NCAM2: variants seen among roughly 807,000 people sequenced by gnomAD.
The protein encoded by NCAM2 is neural cell adhesion molecule 2, also known as N-CAM-2.
A neutral mutation model predicts 98.1 loss-of-function variants in NCAM2; 30 were observed. The ratio of observed to expected loss-of-function variants is 0.31; its 90% CI spans 0.23 to 0.41. NCAM2 has a LOEUF of 0.41. Among genes scored for constraint, NCAM2 ranks in the 10% least tolerant of loss-of-function variants. NCAM2 has a pLI of 1.00. For missense variants in NCAM2, 867 were observed against 1,005.8 expected (o/e 0.86, Z 1.87); for synonymous variants, 368 against 342.4 (o/e 1.07, Z -0.83).
At chr21:21,178,280 T>A in intron 1 of NCAM2, among the ~76,000 whole-genome samples, 1 of 152,130 alleles carries the variant, frequency 6.6e-6, no homozygotes, top group East Asian at 1.9e-4. Context: ...TACTCTTGAT[T>A]TTTCTTCTGC....
intron 1 of NCAM2, among the ~76,000 whole-genome samples, chr21:21,152,899 C>T (rs1291130472): frequency 6.6e-6 from 1 of 151,956 alleles, no homozygotes; most frequent in Admixed American, 6.6e-5. Flanking sequence ...TAAACTTTAG[C>T]CATCTTAACT....
At chr21:21,157,645 T>C (rs1193364862) in intron 1 of NCAM2, among the ~76,000 whole-genome samples, 2 of 152,138 alleles carry the variant, frequency 1.3e-5, no homozygotes, top group African/African-American at 2.4e-5. Context: ...TTTTCCTTTA[T>C]ATGGAATCAT....
chr21:21,204,915 T>G (rs2069376864), intron 1 of NCAM2, among the ~76,000 whole-genome samples: 1 of 151,586 alleles, frequency 6.6e-6, no homozygotes, highest in Non-Finnish European at 1.5e-5. Context: ...ATTTCCACTT[T>G]CCGTTCACTC....
Position 21,322,559 on chromosome 21 carries a change from A to G in NCAM2, c.620-1824A>G, listed in dbSNP as rs557573293. On this transcript the variant is annotated intron_variant, in intron 5 of 17. Coordinates refer to ENST00000400546, the MANE Select transcript of NCAM2 (RefSeq NM_004540.5). ...TATGTGTGCATTTATTTGTTGCTTT[A>G]TATTTAAAACAGAATTGGAATTGAA... Among the ~76,000 whole-genome samples, 6 of 152,296 alleles carry G rather than the reference A, an allele frequency of 3.9e-5. No individual in the cohort carries two copies. The East Asian group carries it at 1.2e-3, about 29-fold the overall frequency.
At chr21:21,383,507 AAAAC>A (rs2076202793) in intron 9 of NCAM2, among the ~76,000 whole-genome samples, 1 of 152,212 alleles carries the variant, frequency 6.6e-6, no homozygotes, top group African/African-American at 2.4e-5. Flanking sequence ...CCTTGAGAGA[AAAAC>A]AAAGAAAAAA....
intron 9 of NCAM2, among the ~76,000 whole-genome samples, chr21:21,394,521 C>T (rs1469245675): frequency 1.9e-5 from 2 of 102,942 alleles, no homozygotes; most frequent in Non-Finnish European, 3.7e-5. Context: ...CAGAGTTGCG[C>T]TCTGTTGCCC....
At chr21:21,372,349 G>A (rs1164671732) in intron 8 of NCAM2, among the ~76,000 whole-genome samples, 10 of 151,682 alleles carry the variant, frequency 6.6e-5, no homozygotes. Context: ...TCAAATTTCA[G>A]AGAGTGCGTT....
At chr21:21,194,765 G>A (rs577741878) in intron 1 of NCAM2, among the ~76,000 whole-genome samples, 71 of 152,140 alleles carry the variant, frequency 4.7e-4, no homozygotes, top group African/African-American at 1.5e-3. Flanking sequence ...TACAATGGGG[G>A]TGATTTGATA....
intron 1 of NCAM2, among the ~76,000 whole-genome samples, chr21:21,144,440 A>G (rs2067231130): frequency 6.6e-6 from 1 of 152,166 alleles, no homozygotes; most frequent in East Asian, 1.9e-4. Flanking sequence ...TTGCCAAATT[A>G]GTTCAAGATT....
At chr21:21,510,118 C>A (rs535500642) in intron 16 of NCAM2, among the ~76,000 whole-genome samples, 2 of 152,138 alleles carry the variant, frequency 1.3e-5, no homozygotes, top group East Asian at 3.9e-4. Flanking sequence ...TCTTGAATTT[C>A]AAAAAATCAT....
chr21:21,269,984 A>C (rs573004637), intron 1 of NCAM2, among the ~76,000 whole-genome samples: 1 of 152,286 alleles, frequency 6.6e-6, no homozygotes, highest in South Asian at 2.1e-4. Flanking sequence ...GGTTTATGCT[A>C]ACCTTAGTCT....
intron 4 of NCAM2, among the ~76,000 whole-genome samples, chr21:21,288,618 T>C (rs1344776470): frequency 1.3e-5 from 2 of 151,608 alleles, no homozygotes; most frequent in East Asian, 1.9e-4. Context: ...TAGAAACTTA[T>C]CACATAAATC....
At chr21:21,030,706 G>T (rs2146219757) in intron 1 of NCAM2, among the ~76,000 whole-genome samples, 1 of 152,282 alleles carries the variant, frequency 6.6e-6, no homozygotes, top group Non-Finnish European at 1.5e-5. Flanking sequence ...GGTATTAAGG[G>T]AGGTAAGTTG....
chr21:21,396,900 G>A (rs1003016698), intron 9 of NCAM2, among the ~76,000 whole-genome samples: 1 of 152,196 alleles, frequency 6.6e-6, no homozygotes, highest in African/African-American at 2.4e-5. Context: ...CTCATTGCCT[G>A]CAACGTGGCA....
rs535026721 is a variant in NCAM2, at chr21:21,040,411, G to A, written c.55+41793G>A. On this transcript the variant is annotated intron_variant, in intron 1 of 17. Coordinates refer to ENST00000400546, the MANE Select transcript of NCAM2 (RefSeq NM_004540.5). The stretch of plus-strand genomic sequence containing the variant: ...GGTGTGTATAATTATTTAGATATAT[G>A]AATATATATATCTTTTCCAGTCTTA... 3.2e-4 allele frequency among the ~76,000 whole-genome samples: 48 copies of A among 151,970 alleles called. 1 individual carries two copies. In the East Asian group the frequency reaches 3.9e-3, roughly 12 times the overall value.
intron 1 of NCAM2, among the ~76,000 whole-genome samples, chr21:21,033,562 C>T (rs983930408): frequency 6.6e-6 from 1 of 151,914 alleles, no homozygotes; most frequent in African/African-American, 2.4e-5. Flanking sequence ...AATAAATGAC[C>T]TCCCCCCCAA....
intron 1 of NCAM2, among the ~76,000 whole-genome samples, chr21:21,201,806 A>C (rs1184506743): frequency 6.6e-6 from 1 of 152,212 alleles, no homozygotes; most frequent in East Asian, 1.9e-4. Context: ...AGCAGGTCTC[A>C]AATAATGGTC....
intron 12 of NCAM2, among the ~76,000 whole-genome samples, chr21:21,463,180 G>C (rs1258935768): frequency 6.6e-6 from 1 of 151,956 alleles, no homozygotes; most frequent in Non-Finnish European, 1.5e-5. Context: ...ACTCTTGTTT[G>C]GTAAAATGCC....
At chr21:21,242,875 T>A (rs2071121907) in intron 1 of NCAM2, among the ~76,000 whole-genome samples, 1 of 152,090 alleles carries the variant, frequency 6.6e-6, no homozygotes, top group Non-Finnish European at 1.5e-5. Context: ...TTGGAATTGC[T>A]ATGAAGGGAA....
Sources: gnomAD v4.1 joint callset for allele counts (sites outside exome capture counted in the v4.1 genomes callset) on GRCh38, gnomAD v4.1.1 for gene constraint, MANE v1.5 for transcripts, NCBI Gene and HGNC (gene_info 2026-07-23, HGNC 2026-07-21) for gene names.